FBXL17: variants seen among roughly 807,000 people sequenced by gnomAD.
FBXL17 encodes F-box/LRR-repeat protein 17.
In FBXL17, 22 loss-of-function variants were observed where a neutral mutation model predicts 66.2. The observed-to-expected ratio is 0.33, with a 90% CI of 0.24 to 0.47. The LOEUF is 0.47. Among genes scored for constraint, FBXL17 ranks in the 20% least tolerant of loss-of-function variants. The probability of loss-of-function intolerance (pLI) is 1.00; values close to 1 mark genes in which losing one functional copy is unlikely to be tolerated. For synonymous variants in FBXL17, 474 were observed against 400.5 expected, an observed-to-expected ratio of 1.18 and a Z score of -2.19; for missense variants, 878 against 948.2, an observed-to-expected ratio of 0.93 and a Z score of 0.97.
chr5:107,875,504 A>G (rs1175248003), intron 8 of FBXL17, among the ~76,000 whole-genome samples: 1 of 152,166 alleles, frequency 6.6e-6, no homozygotes, highest in African/African-American at 2.4e-5. Flanking sequence ...ATATTTTTAC[A>G]TTAAATTGGG....
At chr5:107,912,631 A>G (rs1580706380) in intron 7 of FBXL17, among the ~76,000 whole-genome samples, 1 of 152,184 alleles carries the variant, frequency 6.6e-6, no homozygotes, top group South Asian at 2.1e-4. Flanking sequence ...ATGGGTACAT[A>G]CATATAAATA....
At chr5:107,877,576 C>A (rs892710667) in intron 8 of FBXL17, among the ~76,000 whole-genome samples, 1 of 152,116 alleles carries the variant, frequency 6.6e-6, no homozygotes, top group African/African-American at 2.4e-5. Context: ...AAAGAACATG[C>A]AACTAGAATG....
At position 108,381,586 on chromosome 5, in the gene FBXL17, G is replaced by T; in HGVS notation, c.106C>A (p.Arg36=). The T allele has an allele frequency of 1.4e-6, 2 of 1,457,038 alleles. No homozygotes were observed. Among genetic ancestry groups the T allele is most frequent in the Non-Finnish European group, 1.8e-6 (2 of 1,111,440 alleles). 90.3% of individuals were successfully genotyped at this position (1,457,038 alleles called of 1,614,324 possible). A position where few individuals can be genotyped will look rare whatever the true frequency, so the allele number is the denominator to read the frequency against. The change falls in exon 1 of 9, where the codon CGG becomes AGG. Residue 36 remains arginine (R), a synonymous_variant. Transcript: ENST00000542267. ...RRRPLLRLPR[R]TPAKVPPQPA... ...TGAGGGGGCACCTTGGCTGGGGTCC[G>T]GCGGGGCAGCCTGAGGAGAGGGCGC... is the stretch of plus-strand genomic sequence containing the variant.
chr5:107,955,791 C>T (rs913388931), intron 7 of FBXL17, among the ~76,000 whole-genome samples: 4 of 152,148 alleles, frequency 2.6e-5, no homozygotes, highest in South Asian at 2.1e-4. Flanking sequence ...TAGCCCACCT[C>T]TCAAACATCT....
intron 6 of FBXL17, among the ~76,000 whole-genome samples, chr5:108,042,249 G>T (rs1316865757): frequency 6.6e-6 from 1 of 152,130 alleles, no homozygotes; most frequent in African/African-American, 2.4e-5. Context: ...ACATGTAGTT[G>T]AAAGACGTAG....
At chr5:108,099,926 C>A (rs1277130341) in intron 6 of FBXL17, among the ~76,000 whole-genome samples, 3 of 152,154 alleles carry the variant, frequency 2.0e-5, no homozygotes. Context: ...CAACCATTTT[C>A]TTGATCTTTT....
intron 7 of FBXL17, among the ~76,000 whole-genome samples, chr5:108,014,736 T>C (rs1754314006): frequency 6.6e-6 from 1 of 152,124 alleles, no homozygotes; most frequent in South Asian, 2.1e-4. Context: ...TATATACTAG[T>C]CCGCTTTCAT....
At chr5:108,226,803 C>T (rs2922425) in intron 4 of FBXL17, among the ~76,000 whole-genome samples, 114,016 of 152,112 alleles carry the variant, frequency 0.75, 43,103 homozygotes, top group East Asian at 0.93. Flanking sequence ...ATCTTCCAAG[C>T]AGGAGATCAG....
intron 6 of FBXL17, among the ~76,000 whole-genome samples, chr5:108,109,053 G>T (rs981759397): frequency 6.6e-6 from 1 of 152,062 alleles, no homozygotes; most frequent in Non-Finnish European, 1.5e-5. Flanking sequence ...AAAGTGCTGG[G>T]ATTACAGGCG....
chr5:107,979,430 A>G (rs942783264), intron 7 of FBXL17, among the ~76,000 whole-genome samples: 1 of 152,218 alleles, frequency 6.6e-6, no homozygotes, highest in East Asian at 1.9e-4. Flanking sequence ...CAAAGTAAAC[A>G]TCCACCTACC....
chr5:108,056,444 T>C (rs570536422), intron 6 of FBXL17, among the ~76,000 whole-genome samples: 5 of 152,246 alleles, frequency 3.3e-5, no homozygotes, highest in South Asian at 2.1e-4. Context: ...CTTTCTGTGA[T>C]TGGTTATGTG....
intron 7 of FBXL17, among the ~76,000 whole-genome samples, chr5:107,943,980 G>A (rs1008658970): frequency 3.9e-5 from 6 of 152,168 alleles, no homozygotes; most frequent in Non-Finnish European, 7.3e-5. Context: ...TCTTGAAGGT[G>A]CCTTGTACAT....
intron 4 of FBXL17, among the ~76,000 whole-genome samples, chr5:108,229,278 A>G (rs1469077473): frequency 6.6e-6 from 1 of 152,142 alleles, no homozygotes; most frequent in Non-Finnish European, 1.5e-5. Flanking sequence ...ACAAAAACAA[A>G]AAACAAATCT....
In FBXL17 at chr5:108,360,972, C is replaced by T. The variant is rs1469097283; in HGVS notation, c.1374+3766G>A. 2.6e-5 allele frequency among the ~76,000 whole-genome samples: 4 copies of T among 152,042 alleles called. No individual in the cohort carries two copies. In the East Asian group the frequency reaches 5.8e-4, roughly 22 times the overall value. ...CATTGACATTCTCAATTTGTTCATA[C>T]ATTATTTTCCTAATTTCCTTCATTT... On this transcript the variant is annotated intron_variant, in intron 3 of 8. Transcript: ENST00000542267.
intron 6 of FBXL17, among the ~76,000 whole-genome samples, chr5:108,120,514 T>C (rs918999737): frequency 1.3e-5 from 2 of 152,200 alleles, no homozygotes; most frequent in African/African-American, 2.4e-5. Flanking sequence ...TTGATACAAT[T>C]ATGAGTTTAT....
chr5:108,037,741 T>C (rs1288960774), intron 6 of FBXL17, among the ~76,000 whole-genome samples: 1 of 152,164 alleles, frequency 6.6e-6, no homozygotes, highest in Admixed American at 6.5e-5. Context: ...TTTGTAAGAA[T>C]TAAAATAAAT....
In FBXL17 at chr5:108,373,272, T is replaced by A. The variant is rs1004137255; in HGVS notation, c.994-5319A>T. On this transcript the variant is annotated intron_variant, in intron 1 of 8. Coordinates refer to ENST00000542267, the MANE Select transcript of FBXL17 (RefSeq NM_001163315.3). The stretch of plus-strand genomic sequence containing the variant: ...AATATATTAATATAAATATAATATA[T>A]ATCTAAATATATTAATATAAATATA... Among the ~76,000 whole-genome samples, 17 of 145,348 alleles carry A rather than the reference T, an allele frequency of 1.2e-4. No homozygotes were observed. The South Asian group carries it at 3.2e-3, about 27-fold the overall frequency.
At chr5:107,953,135 G>C (rs1025925431) in intron 7 of FBXL17, among the ~76,000 whole-genome samples, 2 of 152,150 alleles carry the variant, frequency 1.3e-5, no homozygotes, top group Admixed American at 1.3e-4. Context: ...GGGCGCTGTG[G>C]CTCACGCCTG....
chr5:108,077,581 T>A lies in FBXL17; in HGVS notation c.1746-56580A>T, dbSNP rs1261621461. Among the ~76,000 whole-genome samples, 5 of 151,658 alleles carry A rather than the reference T, an allele frequency of 3.3e-5. No individual in the cohort carries two copies. In the East Asian group the frequency reaches 7.7e-4, roughly 23 times the overall value. ...ATGAGGCTGAGGCAGGAGGATCCCT[T>A]GAGCCCAGGAGGTTGAGGATGCAGT... On this transcript the variant is annotated intron_variant, in intron 6 of 8. Transcript: ENST00000542267.
Sources: gnomAD v4.1 joint callset for allele counts (sites outside exome capture counted in the v4.1 genomes callset) on GRCh38, gnomAD v4.1.1 for gene constraint, MANE v1.5 for transcripts, NCBI Gene and HGNC (gene_info 2026-07-23, HGNC 2026-07-21) for gene names.